Variants in PDZD8 observed in about 807,000 individuals in gnomAD.
PDZD8 encodes PDZ domain containing 8, also known as PDZ domain-containing protein 8.
PDZD8 carries 14 observed loss-of-function variants against 85.8 expected under a neutral mutation model. That is an observed-to-expected ratio of 0.16 (90% CI 0.11 to 0.26). The LOEUF (loss-of-function observed/expected upper bound fraction) is 0.26. PDZD8 is among the 10% of genes least tolerant of loss of function. The probability of loss-of-function intolerance (pLI) is 1.00; values close to 1 mark genes in which losing one functional copy is unlikely to be tolerated. For missense variants in PDZD8, 1,197 were observed against 1,424.3 expected, an observed-to-expected ratio of 0.84 and a Z score of 2.57; for synonymous variants, 592 against 568.6, an observed-to-expected ratio of 1.04 and a Z score of -0.59.
In PDZD8 at chr10:117,278,119, C is replaced by A. The variant is rs1283792834; in HGVS notation, c.*5149G>T. 6.6e-6 allele frequency: 1 copy of A among 152,140 alleles called. No individual in the cohort carries two copies. Among genetic ancestry groups the A allele is most frequent in the African/African-American group, 2.4e-5 (1 of 41,440 alleles). 9.4% of individuals were successfully genotyped at this position (152,140 alleles called of 1,614,324 possible). On this transcript the variant is annotated 3_prime_UTR_variant, in exon 5 of 5. Coordinates refer to ENST00000334464, the MANE Select transcript of PDZD8 (RefSeq NM_173791.5). ...TGTTTAAACATGATAAGGTTAATCG[C>A]CATCTACTTCAAGTTTTAGAAAAGG... is the stretch of plus-strand genomic sequence containing the variant.
intron 1 of PDZD8, among the ~76,000 whole-genome samples, chr10:117,352,463 A>G (rs1844821444): frequency 6.6e-6 from 1 of 152,196 alleles, no homozygotes. Context: ...TTTGTCAAGG[A>G]GACAAAAAAG....
Position 117,284,192 on chromosome 10 carries a change from C to T in PDZD8, c.2541G>A (p.Gln847=). The part of the protein sequence containing the change: ...TENKHSFQDT[Q]FQNPTWCDYC... ...AGTCACACCATGTTGGGTTCTGGAA[C>T]TGAGTATCCTGAAAACTGTGTTTGT... Residue 847 remains glutamine (Q), a synonymous_variant, in exon 5 of 5, where the codon CAG becomes CAA. Coordinates refer to ENST00000334464, the MANE Select transcript of PDZD8 (RefSeq NM_173791.5). The T allele has an allele frequency of 6.2e-6, 10 of 1,614,182 alleles. No individual in the cohort carries two copies. The highest frequency in any genetic ancestry group is 8.5e-6 in the Non-Finnish European group (10 of 1,180,010).
chr10:117,370,953 T>TGTGTGTGTGTGTGTGTGTGTG (rs1564716335), intron 1 of PDZD8, among the ~76,000 whole-genome samples: 3 of 149,516 alleles, frequency 2.0e-5, no homozygotes, highest in African/African-American at 4.9e-5. Context: ...TGTGTGTGTG[T>TGTGTGTGTGTGTGTGTGTGTG]TTAAAGGTGG....
At chr10:117,362,535 C>T (rs1589594084) in intron 1 of PDZD8, among the ~76,000 whole-genome samples, 1 of 152,058 alleles carries the variant, frequency 6.6e-6, no homozygotes, top group East Asian at 1.9e-4. Flanking sequence ...CATAAGAGCA[C>T]AGATATCCTC....
chr10:117,341,072 C>T lies in PDZD8; in HGVS notation c.903G>A (p.Leu301=). 1 of 1,613,684 alleles carries T rather than the reference C, an allele frequency of 6.2e-7. No homozygotes were observed. The highest frequency in any genetic ancestry group is 1.1e-5 in the South Asian group (1 of 91,066). ...GCTCTTCATCTTCTTCAAATCCTTGCAAGGTCTGGTATGGAAAAAACGGCT... is the reference window on the plus strand; with the variant it reads ...GCTCTTCATCTTCTTCAAATCCTTGTAAGGTCTGGTATGGAAAAAACGGCT... ...RFKPFFPYQT[L]QGFEEDEEHI... The change falls in exon 2 of 5, where the codon TTG becomes TTA. Residue 301 remains leucine (L), a synonymous_variant. Transcript: ENST00000334464.
At chr10:117,295,749 A>T (rs1385503513) in intron 3 of PDZD8, among the ~76,000 whole-genome samples, 2 of 152,224 alleles carry the variant, frequency 1.3e-5, no homozygotes, top group Non-Finnish European at 2.9e-5. Context: ...CAATGGAGAA[A>T]GCCATATTTC....
chr10:117,281,992 C>A lies in PDZD8; in HGVS notation c.*1276G>T, dbSNP rs1006757678. ...AACAACAGTCGAGCTTACTTGTTTT[C>A]CCTCAGTCAAATGTTACTGGGACCC... On this transcript the variant is annotated 3_prime_UTR_variant, in exon 5 of 5. Transcript: ENST00000334464. 5.9e-5 allele frequency: 9 copies of A among 152,146 alleles called. No individual in the cohort carries two copies. The highest frequency in any genetic ancestry group is 5.9e-5 in the Non-Finnish European group (4 of 68,020). 9.4% of individuals were successfully genotyped at this position (152,146 alleles called of 1,614,324 possible). A position where few individuals can be genotyped will look rare whatever the true frequency, so the allele number is the denominator to read the frequency against.
At chr10:117,313,452 T>C (rs910293084) in intron 3 of PDZD8, among the ~76,000 whole-genome samples, 4 of 152,160 alleles carry the variant, frequency 2.6e-5, no homozygotes, top group Non-Finnish European at 5.9e-5. Flanking sequence ...TGCCACATAT[T>C]ATATTTCTAT....
At chr10:117,330,749 A>G (rs1844407842) in intron 2 of PDZD8, among the ~76,000 whole-genome samples, 1 of 152,124 alleles carries the variant, frequency 6.6e-6, no homozygotes, top group East Asian at 1.9e-4. Flanking sequence ...AAATATGCAC[A>G]TTTTTCTTAA....
chr10:117,363,318 A>G (rs369118050), intron 1 of PDZD8, among the ~76,000 whole-genome samples: 4 of 152,122 alleles, frequency 2.6e-5, no homozygotes, highest in African/African-American at 9.6e-5. Flanking sequence ...TACAACACAA[A>G]CACCAGATGC....
At chr10:117,356,844 C>T (rs1020427481) in intron 1 of PDZD8, among the ~76,000 whole-genome samples, 1 of 152,098 alleles carries the variant, frequency 6.6e-6, no homozygotes, top group East Asian at 1.9e-4. Context: ...TTCATGTTGG[C>T]CTCCTCAAAG....
rs780491064 is a variant in PDZD8 at position 117,375,250 on chromosome 10, C to T, written c.-23G>A. 5.5e-6 allele frequency: 8 copies of T among 1,441,818 alleles called. No homozygotes were observed. The East Asian group carries it at 1.5e-4, about 28-fold the overall frequency. 89.3% of individuals were successfully genotyped at this position (1,441,818 alleles called of 1,614,324 possible). On this transcript the variant is annotated 5_prime_UTR_variant, in exon 1 of 5. Transcript: ENST00000334464. ...CATCCCGCCACCGCCTCCGCCCGGG[C>T]CCCTACTCCCGCGCCCACAGCGCCG... is the stretch of plus-strand genomic sequence containing the variant.
intron 1 of PDZD8, among the ~76,000 whole-genome samples, chr10:117,373,563 G>T (rs1845230425): frequency 7.3e-6 from 1 of 136,838 alleles, no homozygotes; most frequent in Non-Finnish European, 1.5e-5. Flanking sequence ...TTCGAAACCA[G>T]CCTGGCCAAT....
chr10:117,353,682 G>A (rs1180502655), intron 1 of PDZD8, among the ~76,000 whole-genome samples: 2 of 151,064 alleles, frequency 1.3e-5, no homozygotes, highest in Non-Finnish European at 2.9e-5. Context: ...AATAATCGGG[G>A]GAGGGGTGTG....
intron 2 of PDZD8, among the ~76,000 whole-genome samples, chr10:117,334,848 T>A (rs904537316): frequency 6.6e-6 from 1 of 151,328 alleles, no homozygotes; most frequent in Non-Finnish European, 1.5e-5. Flanking sequence ...GAAAAAGAAT[T>A]TAAAGAAACA....
At chr10:117,327,966 T>C (rs1294522712) in intron 2 of PDZD8, among the ~76,000 whole-genome samples, 40 of 152,230 alleles carry the variant, frequency 2.6e-4, no homozygotes. Flanking sequence ...CAAGCATTAT[T>C]ACCACTCTAA....
intron 2 of PDZD8, among the ~76,000 whole-genome samples, chr10:117,333,117 C>CAAAAAAAAAA (rs752527474): frequency 0.011 from 75 of 7,100 alleles, 2 homozygotes; most frequent in Non-Finnish European, 0.036. Flanking sequence ...GACTCTGTCT[C>CAAAAAAAAAA]AAAAAAAAAA....
intron 3 of PDZD8, among the ~76,000 whole-genome samples, chr10:117,316,951 C>T (rs1033782760): frequency 6.6e-6 from 1 of 152,070 alleles, no homozygotes; most frequent in African/African-American, 2.4e-5. Flanking sequence ...GTGCTTTTGG[C>T]CAGCTTTAGA....
At chr10:117,294,077 A>G (rs2133769937) in intron 3 of PDZD8, among the ~76,000 whole-genome samples, 1 of 152,284 alleles carries the variant, frequency 6.6e-6, no homozygotes, top group Middle Eastern at 3.4e-3. Context: ...TATAGTTTTA[A>G]ATGCTTATAT....
Sources: allele counts gnomAD v4.1 joint callset (sites outside exome capture counted in the v4.1 genomes callset), GRCh38; gene constraint gnomAD v4.1.1; transcripts MANE v1.5; gene names NCBI Gene and HGNC (gene_info 2026-07-23, HGNC 2026-07-21).